Variants in CPSF7 observed in about 807,000 individuals in gnomAD.
CPSF7 encodes the protein cleavage and polyadenylation specificity factor subunit 7.
A neutral mutation model predicts 44.3 loss-of-function variants in CPSF7; 1 was observed. The observed-to-expected ratio is 0.02, with a 90% confidence interval of 0.01 to 0.11. CPSF7 has a LOEUF of 0.11. CPSF7 is among the 10% of genes least tolerant of loss of function. The probability of loss-of-function intolerance (pLI) is 1.00; values close to 1 mark genes in which losing one functional copy is unlikely to be tolerated. For synonymous variants in CPSF7, 202 were observed against 222.0 expected (o/e 0.91, Z 0.80); for missense variants, 443 against 607.2 (o/e 0.73, Z 2.84).
Position 61,411,815 on chromosome 11 carries a change from T to G in CPSF7, c.1180A>C (p.Ile394Leu). Residue 394 changes from isoleucine to leucine, a missense_variant, in exon 8 of 10, where the codon ATC (isoleucine) becomes CTC (leucine). Transcript: ENST00000439958. ...ISSLKDCLHGIEAKSYSVGAS... is the reference protein window; with the variant it reads ...ISSLKDCLHGLEAKSYSVGAS... The stretch of plus-strand genomic sequence containing the variant: ...CCCACACTGTAGGACTTGGCTTCGA[T>G]GCCATGAAGACAGTCCTTAAGAGAG... The G allele has an allele frequency of 6.2e-7, 1 of 1,613,836 alleles. No individual in the cohort carries two copies. Among genetic ancestry groups the G allele is most frequent in the Non-Finnish European group, 8.5e-7 (1 of 1,179,902 alleles).
intron 5 of CPSF7, among the ~76,000 whole-genome samples, chr11:61,418,433 G>T (rs1860539680): frequency 6.6e-6 from 1 of 152,160 alleles, no homozygotes; most frequent in African/African-American, 2.4e-5. Flanking sequence ...TGCTTCAACT[G>T]GGGTGACTAG....
At chr11:61,415,343 A>C (rs1207574295) in intron 7 of CPSF7, among the ~76,000 whole-genome samples, 9 of 152,224 alleles carry the variant, frequency 5.9e-5, no homozygotes, top group Admixed American at 5.9e-4. Flanking sequence ...ACTAGATCTA[A>C]AGATCAACCA....
Position 61,420,555 on chromosome 11 carries a change from G to C in CPSF7, c.292C>G (p.Leu98Val), listed in dbSNP as rs1321586475. 1 of 1,613,964 alleles carries C rather than the reference G, an allele frequency of 6.2e-7. No homozygotes were observed. The highest frequency in any genetic ancestry group is 8.5e-7 in the Non-Finnish European group (1 of 1,179,970). The stretch of plus-strand genomic sequence containing the variant: ...CCTATAGAGCGAATAACCTGGATCA[G>C]CTGCTGGTCTGTGGTCCACTGGGGC... The part of the protein sequence containing the change: ...SFSWWTTDQQ[L>V]IQVIRSIGVY... The change falls in exon 4 of 10, where the codon CTG (leucine) becomes GTG (valine). Residue 98 changes from leucine (L) to valine (V), a missense_variant. Transcript: ENST00000439958.
intron 3 of CPSF7, chr11:61,421,097 T>C: frequency 1.5e-6 from 2 of 1,378,270 alleles, no homozygotes; most frequent in Non-Finnish European, 1.9e-6. Context: ...GTTCAAGGTG[T>C]TCACTCTGAA....
intron 5 of CPSF7, among the ~76,000 whole-genome samples, chr11:61,419,205 G>C (rs555938806): frequency 6.6e-6 from 1 of 152,152 alleles, no homozygotes; most frequent in Admixed American, 6.5e-5. Flanking sequence ...TGTATTCTTA[G>C]TAGAGATGGG....
chr11:61,420,363 AGCT>A, intron 4 of CPSF7, 104 bp downstream of exon 4: 1 of 1,015,556 alleles, frequency 9.8e-7, no homozygotes, highest in African/African-American at 1.6e-5. Flanking sequence ...CAAGGCAGTA[AGCT>A]GGGCCAGGGG....
chr11:61,417,145 G>A (rs1187055476), intron 5 of CPSF7, among the ~76,000 whole-genome samples: 1 of 152,072 alleles, frequency 6.6e-6, no homozygotes, highest in Admixed American at 6.6e-5. Context: ...TGGGAGATAC[G>A]CCAATAAAAG....
intron 1 of CPSF7, chr11:61,429,673 T>C: frequency 6.9e-7 from 1 of 1,441,048 alleles, no homozygotes. Context: ...CCCCCAGGTG[T>C]CAAGCAGCTC....
chr11:61,416,146 A>G lies in CPSF7; in HGVS notation c.897T>C (p.Asp299=). 6.6e-7 allele frequency: 1 copy of G among 1,510,914 alleles called. No individual in the cohort carries two copies. Among genetic ancestry groups the G allele is most frequent in the Non-Finnish European group, 8.8e-7 (1 of 1,131,728 alleles). The allele number at this position is 1,510,914 out of a possible 1,614,324, so 93.6% of individuals were successfully genotyped here. ...PPNATVGPPP[D]TYMKASAPYN... is the part of the protein sequence containing the mutation. ...AGGGGGCAGAGGCCTTCATGTAAGT[A>G]TCTGGTGGAGGCCCCACTGTAGCGT... is the stretch of plus-strand genomic sequence containing the variant. Residue 299 remains aspartate (D), a synonymous_variant, in exon 6 of 10, where the codon GAT becomes GAC. Transcript: ENST00000439958.
intron 1 of CPSF7, chr11:61,429,555 C>A: frequency 5.0e-6 from 3 of 600,606 alleles, no homozygotes; most frequent in Non-Finnish European, 8.3e-6. Context: ...AAAGTCCCAC[C>A]CTCGGGTCCT....
chr11:61,417,729 T>C (rs764798342), intron 5 of CPSF7, among the ~76,000 whole-genome samples: 21 of 152,208 alleles, frequency 1.4e-4, no homozygotes, highest in Non-Finnish European at 1.5e-5. Flanking sequence ...CAAAAAGGTA[T>C]AAGGCAAGTG....
chr11:61,407,824 G>A (rs1043753994), intron 9 of CPSF7, among the ~76,000 whole-genome samples: 1 of 152,188 alleles, frequency 6.6e-6, no homozygotes, highest in Non-Finnish European at 1.5e-5. Flanking sequence ...CCTAAAAGGA[G>A]TATTTTGGTT....
rs1268543007 is a variant in CPSF7, at chr11:61,403,169, A to T, written c.*1541T>A. The T allele has an allele frequency of 6.6e-6, 1 of 152,488 alleles. No individual in the cohort carries two copies. 9.4% of individuals were successfully genotyped at this position (152,488 alleles called of 1,614,324 possible). On this transcript the variant is annotated 3_prime_UTR_variant, in exon 10 of 10. Coordinates refer to ENST00000439958, the MANE Select transcript of CPSF7 (RefSeq NM_001142565.3). ...AATCCTGCGGGGGACTCCCTCAGTG[A>T]CTGAGGGCTATATGAGAAACGTGCT...
intron 1 of CPSF7, chr11:61,429,536 C>A (rs1426822036): frequency 5.3e-6 from 3 of 565,370 alleles, no homozygotes; most frequent in African/African-American, 2.0e-5. Flanking sequence ...CTGCCTATGG[C>A]GCGACGGAAA....
At chr11:61,417,074 G>GT (rs1860403173) in intron 5 of CPSF7, among the ~76,000 whole-genome samples, 1 of 152,130 alleles carries the variant, frequency 6.6e-6, no homozygotes, top group South Asian at 2.1e-4. Context: ...AGTAATCAGG[G>GT]TGAGAAAGAG....
chr11:61,419,909 G>C, intron 5 of CPSF7, 40 bp downstream of exon 5: 1 of 1,599,448 alleles, frequency 6.3e-7, no homozygotes, highest in South Asian at 1.1e-5. Flanking sequence ...TCATACAGAT[G>C]GTCTCCACGT....
intron 2 of CPSF7, chr11:61,426,447 A>G (rs540681886): frequency 7.9e-5 from 12 of 152,342 alleles, no homozygotes; most frequent in African/African-American, 2.2e-4. Flanking sequence ...TCCACAAAAC[A>G]TAAGATATTC....
At chr11:61,427,602 G>A (rs569547928) in intron 2 of CPSF7, among the ~76,000 whole-genome samples, 20 of 149,738 alleles carry the variant, frequency 1.3e-4, no homozygotes, top group Non-Finnish European at 2.1e-4. Flanking sequence ...GCAGTGAGCC[G>A]AGATCGCGCC....
intron 7 of CPSF7, among the ~76,000 whole-genome samples, chr11:61,415,002 C>T (rs912604156): frequency 6.6e-6 from 1 of 152,038 alleles, no homozygotes; most frequent in Non-Finnish European, 1.5e-5. Flanking sequence ...TTTGGGAGGC[C>T]GAGACAGGCG....
Sources: allele counts gnomAD v4.1 joint callset (sites outside exome capture counted in the v4.1 genomes callset), GRCh38; gene constraint gnomAD v4.1.1; transcripts MANE v1.5; gene names NCBI Gene and HGNC (gene_info 2026-07-23, HGNC 2026-07-21).